Variants in LRRC37A2 observed in about 807,000 individuals in gnomAD.
LRRC37A2 encodes leucine rich repeat containing 37 member A2, also known as leucine-rich repeat-containing protein 37A2.
LRRC37A2 carries 9 observed loss-of-function variants against 68.8 expected under a neutral mutation model. The ratio of observed to expected loss-of-function variants is 0.13; its 90% confidence interval spans 0.08 to 0.23. LRRC37A2 has a LOEUF of 0.23. LRRC37A2 is among the 10% of genes least tolerant of loss of function. The pLI is 1.00. For synonymous variants in LRRC37A2, 63 were observed against 367.6 expected, an observed-to-expected ratio of 0.17 and a Z score of 9.48; for missense variants, 168 against 950.4, an observed-to-expected ratio of 0.18 and a Z score of 10.82.
the LRRC37A2 span, among the ~76,000 whole-genome samples, chr17:46,723,498 G>T: frequency 6.6e-6 from 1 of 152,208 alleles, no homozygotes; most frequent in Non-Finnish European, 1.5e-5. Flanking sequence ...AACCATCATT[G>T]TGTATCAAGA....
the LRRC37A2 span, among the ~76,000 whole-genome samples, chr17:46,771,703 G>C: frequency 2.1e-5 from 3 of 143,114 alleles, no homozygotes; most frequent in Non-Finnish European, 4.7e-5. Context: ...CGGCCGGGCC[G>C]CGCCCCCGGC....
chr17:46,954,870 T>G, the LRRC37A2 span, among the ~76,000 whole-genome samples: 3 of 152,372 alleles, frequency 2.0e-5, no homozygotes, highest in Non-Finnish European at 4.4e-5. Flanking sequence ...ATTGATTTTG[T>G]ATCCTGAGAC....
At chr17:46,503,254 C>A in the LRRC37A2 span, among the ~76,000 whole-genome samples, 3 of 146,016 alleles carry the variant, frequency 2.1e-5, no homozygotes, top group African/African-American at 7.9e-5. Context: ...TCCCAACAAG[C>A]GTTTCTCTTT....
At chr17:46,794,505 A>G in the LRRC37A2 span, among the ~76,000 whole-genome samples, 1 of 152,178 alleles carries the variant, frequency 6.6e-6, no homozygotes, top group Admixed American at 6.5e-5. Flanking sequence ...GGAGCCAAAG[A>G]ACATAGTCAG....
the LRRC37A2 span, among the ~76,000 whole-genome samples, chr17:46,946,487 G>T: frequency 6.8e-6 from 1 of 146,300 alleles, no homozygotes; most frequent in Non-Finnish European, 1.5e-5. Flanking sequence ...AAAGTAGGTG[G>T]CCTGGGATAT....
At chr17:46,763,260 A>G in the LRRC37A2 span, 2 of 152,234 alleles carry the variant, frequency 1.3e-5, no homozygotes, top group African/African-American at 2.4e-5. Flanking sequence ...GAACCAATTC[A>G]TACTGTGAAA....
chr17:46,916,262 T>C, the LRRC37A2 span, among the ~76,000 whole-genome samples: 1 of 152,202 alleles, frequency 6.6e-6, no homozygotes, highest in Admixed American at 6.5e-5. Flanking sequence ...TCTCATGAGA[T>C]ACTGGGTTGG....
At chr17:46,903,108 C>A in the LRRC37A2 span, among the ~76,000 whole-genome samples, 5 of 152,060 alleles carry the variant, frequency 3.3e-5, no homozygotes, top group Non-Finnish European at 7.4e-5. Context: ...ATGGTGAAAC[C>A]CCATCTCTAC....
chr17:46,660,810 TAATC>T, the LRRC37A2 span, among the ~76,000 whole-genome samples: 2 of 286 alleles, frequency 7.0e-3, no homozygotes, highest in Non-Finnish European at 6.0e-3. Flanking sequence ...GGAGGTCTAA[TAATC>T]CCATTTCCGA....
the LRRC37A2 span, chr17:46,938,595 C>T: frequency 1.2e-6 from 2 of 1,613,206 alleles, no homozygotes; most frequent in South Asian, 2.2e-5. Flanking sequence ...CTCTTCTGCC[C>T]CAGGGGACTC....
the LRRC37A2 span, among the ~76,000 whole-genome samples, chr17:46,863,822 T>C: frequency 6.6e-6 from 1 of 152,114 alleles, no homozygotes; most frequent in Non-Finnish European, 1.5e-5. Flanking sequence ...ACAGTCCTAG[T>C]GGTTCTATTC....
At chr17:46,742,290 T>A in the LRRC37A2 span, among the ~76,000 whole-genome samples, 1 of 152,170 alleles carries the variant, frequency 6.6e-6, no homozygotes, top group Admixed American at 6.5e-5. Flanking sequence ...ACTTTCCTTT[T>A]GGACACTTAA....
downstream of LRRC37A2, among the ~76,000 whole-genome samples, chr17:46,558,062 G>GT (rs1219618738): frequency 4.6e-4 from 63 of 137,566 alleles, 8 homozygotes; most frequent in Middle Eastern, 3.5e-3. Context: ...AGTTTTGTTT[G>GT]TTTTTTTTTC....
chr17:46,548,040 C>A, intron 9 of LRRC37A2: 2 of 74,620 alleles, frequency 2.7e-5, no homozygotes, highest in East Asian at 5.6e-4. Context: ...GGGCAATTGG[C>A]CTCTGGGGAT....
the LRRC37A2 span, among the ~76,000 whole-genome samples, chr17:46,908,953 G>A: frequency 6.6e-6 from 1 of 152,218 alleles, no homozygotes; most frequent in Non-Finnish European, 1.5e-5. Flanking sequence ...CTGTCAGGCT[G>A]GGAGAGGTGG....
chr17:46,609,827 C>G, the LRRC37A2 span, among the ~76,000 whole-genome samples: 3 of 123,328 alleles, frequency 2.4e-5, no homozygotes, highest in South Asian at 2.5e-4. Context: ...CTCACTGTTT[C>G]TTTTTTTTTT....
At chr17:46,783,929 T>C in the LRRC37A2 span, among the ~76,000 whole-genome samples, 1 of 152,148 alleles carries the variant, frequency 6.6e-6, no homozygotes, top group African/African-American at 2.4e-5. Context: ...ATCCTGTTAG[T>C]TATGTGCAAA....
the LRRC37A2 span, among the ~76,000 whole-genome samples, chr17:46,957,742 G>A: frequency 3.3e-5 from 5 of 152,326 alleles, no homozygotes; most frequent in East Asian, 9.6e-4. Context: ...GCAGCCCCAG[G>A]ATGCAGTTTG....
the LRRC37A2 span, among the ~76,000 whole-genome samples, chr17:46,865,980 G>A: frequency 6.6e-6 from 1 of 152,136 alleles, no homozygotes; most frequent in Non-Finnish European, 1.5e-5. Context: ...ATGAATGAGC[G>A]AGTAAGTGAA....
Sources: allele counts gnomAD v4.1 joint callset (sites outside exome capture counted in the v4.1 genomes callset), GRCh38; gene constraint gnomAD v4.1.1; transcripts MANE v1.5; gene names NCBI Gene and HGNC (gene_info 2026-07-23, HGNC 2026-07-21).